The following KPNA6 variants were observed in gnomAD, a reference collection of about 807,000 sequenced individuals.
The protein encoded by KPNA6 is karyopherin subunit alpha 6.
A neutral mutation model predicts 72.0 loss-of-function variants in KPNA6; 9 were observed. The ratio of observed to expected loss-of-function variants is 0.13; its 90% CI spans 0.08 to 0.22. The LOEUF (loss-of-function observed/expected upper bound fraction) is 0.22. Ranked by LOEUF, KPNA6 falls within the 10% of genes least tolerant of loss-of-function variation. The pLI, the probability that KPNA6 is intolerant of heterozygous loss-of-function variation, is 1.00. For missense variants in KPNA6, 374 were observed against 655.7 expected (o/e 0.57, Z 4.69); for synonymous variants, 219 against 242.1 (o/e 0.90, Z 0.89).
At chr1:32,112,514 A>G (rs1326591505) in intron 1 of KPNA6, among the ~76,000 whole-genome samples, 1 of 152,144 alleles carries the variant, frequency 6.6e-6, no homozygotes, top group African/African-American at 2.4e-5. Flanking sequence ...TATTTGAGAC[A>G]GGCTGGCCCT....
chr1:32,169,521 A>G (rs889605847), intron 12 of KPNA6, among the ~76,000 whole-genome samples: 3 of 147,008 alleles, frequency 2.0e-5, no homozygotes, highest in African/African-American at 7.6e-5. Flanking sequence ...ATCTCGGCTC[A>G]CTGCAAGCTC....
intron 4 of KPNA6, 126 bp downstream of exon 4, chr1:32,157,571 G>T: frequency 1.5e-6 from 1 of 650,316 alleles, no homozygotes; most frequent in Non-Finnish European, 2.7e-6. Context: ...GGTGTTGCTT[G>T]TACAAGATAG....
At position 32,171,962 on chromosome 1, in the gene KPNA6, C is replaced by T. The variant is rs1446331518; in HGVS notation, c.*1068C>T. 1 of 152,132 alleles carries T rather than the reference C, an allele frequency of 6.6e-6. No homozygotes were observed. The highest frequency in any genetic ancestry group is 1.9e-4 in the East Asian group (1 of 5,194). 9.4% of individuals were successfully genotyped at this position (152,132 alleles called of 1,614,324 possible). On this transcript the variant is annotated 3_prime_UTR_variant, in exon 14 of 14. Transcript: ENST00000373625. ...CATGTATTGGGATAGTCAGGGATCC[C>T]TGCCTTTGGCCTTTCTTCTTCTTCT...
At chr1:32,139,964 A>T (rs542881499) in intron 1 of KPNA6, among the ~76,000 whole-genome samples, 1 of 152,224 alleles carries the variant, frequency 6.6e-6, no homozygotes, top group Non-Finnish European at 1.5e-5. Context: ...ACAATGTGTG[A>T]ACCTTGGCTG....
chr1:32,112,357 C>T (rs1338569713), intron 1 of KPNA6, among the ~76,000 whole-genome samples: 2 of 152,144 alleles, frequency 1.3e-5, no homozygotes, highest in African/African-American at 4.8e-5. Flanking sequence ...TTCCAGACCA[C>T]TGCAATAAAG....
chr1:32,170,973 A>T lies in KPNA6; in HGVS notation c.*79A>T. The stretch of plus-strand genomic sequence containing the variant: ...GCAGCCCTCTGGTGGGCGGGAAACC[A>T]GTGTCCCCACCATCAGCCACCACAC... On this transcript the variant is annotated 3_prime_UTR_variant, in exon 14 of 14. Coordinates refer to ENST00000373625, the MANE Select transcript of KPNA6 (RefSeq NM_012316.5). 7.6e-7 allele frequency: 1 copy of T among 1,312,206 alleles called. No homozygotes were observed. Among genetic ancestry groups the T allele is most frequent in the East Asian group, 2.3e-5 (1 of 42,874 alleles). The allele number at this position is 1,312,206 out of a possible 1,614,324, so 81.3% of individuals were successfully genotyped here. A position where few individuals can be genotyped will look rare whatever the true frequency, so the allele number is the denominator to read the frequency against.
intron 1 of KPNA6, among the ~76,000 whole-genome samples, chr1:32,151,603 G>A (rs1029781968): frequency 1.3e-5 from 2 of 152,090 alleles, no homozygotes; most frequent in Admixed American, 1.3e-4. Flanking sequence ...TGAGATTTCC[G>A]TGGTGCTGTT....
intron 9 of KPNA6, 84 bp downstream of exon 9, chr1:32,162,608 G>A (rs981850463): frequency 6.2e-6 from 9 of 1,458,982 alleles, no homozygotes; most frequent in Non-Finnish European, 8.6e-6. Context: ...ATGCCAAGGT[G>A]GGCGGATCAC....
At chr1:32,165,888 C>T (rs544707331) in intron 10 of KPNA6, among the ~76,000 whole-genome samples, 1 of 151,286 alleles carries the variant, frequency 6.6e-6, no homozygotes, top group East Asian at 2.0e-4. Flanking sequence ...ATCCAAGCGT[C>T]TTGGGAGGCT....
intron 1 of KPNA6, among the ~76,000 whole-genome samples, chr1:32,134,562 C>A (rs564800071): frequency 6.6e-6 from 1 of 151,192 alleles, no homozygotes; most frequent in African/African-American, 2.4e-5. Context: ...CGCTAGAACC[C>A]GGGAGGCAAA....
At chr1:32,113,189 C>T (rs1424985644) in intron 1 of KPNA6, among the ~76,000 whole-genome samples, 1 of 152,042 alleles carries the variant, frequency 6.6e-6, no homozygotes, top group Non-Finnish European at 1.5e-5. Context: ...TCAAGAGTTT[C>T]AGACCAGCCT....
chr1:32,128,390 TATATATATA>T (rs1641573545), intron 1 of KPNA6, among the ~76,000 whole-genome samples: 1 of 36,836 alleles, frequency 2.7e-5, no homozygotes, highest in African/African-American at 1.2e-4. Flanking sequence ...TATGTATTTA[TATATATATA>T]TATATATATA....
At chr1:32,153,184 T>C (rs1642067992) in intron 1 of KPNA6, among the ~76,000 whole-genome samples, 1 of 151,984 alleles carries the variant, frequency 6.6e-6, no homozygotes, top group African/African-American at 2.4e-5. Flanking sequence ...GTCAAGTCTC[T>C]GGTAAAGGTT....
In KPNA6 at chr1:32,169,977, A is replaced by G; in HGVS notation, c.1340A>G (p.Asn447Ser). ...CAAGTGGCCCTCAATGGACTGGAGA[A>G]CATCCTGCGGCTTGGAGAGCAAGAG... ...IVQVALNGLE[N>S]ILRLGEQEGK... The change falls in exon 13 of 14, where the codon AAC becomes AGC. Residue 447 changes from asparagine (N) to serine (S), a missense_variant. Transcript: ENST00000373625. 6.2e-7 allele frequency: 1 copy of G among 1,614,114 alleles called. No homozygotes were observed. The highest frequency in any genetic ancestry group is 1.1e-5 in the South Asian group (1 of 91,072).
intron 10 of KPNA6, among the ~76,000 whole-genome samples, chr1:32,164,216 G>C (rs1228179441): frequency 6.6e-6 from 1 of 152,128 alleles, no homozygotes; most frequent in African/African-American, 2.4e-5. Flanking sequence ...ATTCGTTCAT[G>C]TTGTAGCATG....
At chr1:32,114,649 C>G (rs575359078) in intron 1 of KPNA6, among the ~76,000 whole-genome samples, 2 of 152,208 alleles carry the variant, frequency 1.3e-5, no homozygotes, top group African/African-American at 4.8e-5. Context: ...AGAGAGTCAG[C>G]CTGTCATTTG....
chr1:32,121,959 C>T (rs746694478), intron 1 of KPNA6, among the ~76,000 whole-genome samples: 6 of 149,496 alleles, frequency 4.0e-5, no homozygotes, highest in African/African-American at 7.5e-5. Flanking sequence ...GGTGACAGAG[C>T]GACACTCCGA....
At chr1:32,159,097 G>A (rs1305840754) in intron 5 of KPNA6, among the ~76,000 whole-genome samples, 1 of 152,184 alleles carries the variant, frequency 6.6e-6, no homozygotes, top group Non-Finnish European at 1.5e-5. Flanking sequence ...GAGTGACCTG[G>A]CAAAGGATGC....
At chr1:32,129,712 T>G (rs564595070) in intron 1 of KPNA6, among the ~76,000 whole-genome samples, 1 of 152,254 alleles carries the variant, frequency 6.6e-6, no homozygotes, top group African/African-American at 2.4e-5. Context: ...TGCACCACCA[T>G]GCACAGCCAA....
Sources: gnomAD v4.1 joint callset for allele counts (sites outside exome capture counted in the v4.1 genomes callset) on GRCh38, gnomAD v4.1.1 for gene constraint, MANE v1.5 for transcripts, NCBI Gene and HGNC (gene_info 2026-07-23, HGNC 2026-07-21) for gene names.